Variants in ZNF292 observed in about 807,000 individuals in gnomAD.
ZNF292 encodes 16 zinc-finger domain protein.
Under a neutral mutation model 217.9 loss-of-function variants are expected in ZNF292, and 26 were observed. The ratio of observed to expected loss-of-function variants is 0.12; its 90% confidence interval spans 0.09 to 0.17. The LOEUF is 0.17. Among genes scored for constraint, ZNF292 ranks in the 10% least tolerant of loss-of-function variants. The probability of loss-of-function intolerance (pLI) is 1.00; values close to 1 mark genes in which losing one functional copy is unlikely to be tolerated. For missense variants in ZNF292, 2,904 were observed against 3,175.2 expected (o/e 0.91, Z 2.05); for synonymous variants, 1,257 against 1,124.1 (o/e 1.12, Z -2.37).
In ZNF292 at chr6:87,238,254, A is replaced by G. The variant is rs6931887; in HGVS notation, c.741+4727A>G. ...TTAATTCCAGCACTTTGGGACACCA[A>G]AGTGGGTGTATCACCTGAGGTCAGG... On this transcript the variant is annotated intron_variant, in intron 5 of 7. Transcript: ENST00000369577. Among the ~76,000 whole-genome samples, 1,440 of 152,238 alleles carry G rather than the reference A, an allele frequency of 9.5e-3. 19 individuals are homozygous for G. The highest frequency in any genetic ancestry group is 0.033 in the African/African-American group (1,356 of 41,534).
intron 1 of ZNF292, among the ~76,000 whole-genome samples, chr6:87,164,628 T>C (rs1024305136): frequency 3.3e-5 from 5 of 152,164 alleles, no homozygotes; most frequent in African/African-American, 1.2e-4. Flanking sequence ...TCACTCATCT[T>C]CTCTAACCAC....
intron 7 of ZNF292, among the ~76,000 whole-genome samples, chr6:87,247,604 C>T (rs891665966): frequency 6.6e-6 from 1 of 152,108 alleles, no homozygotes; most frequent in Non-Finnish European, 1.5e-5. Context: ...GAAGAAAATG[C>T]AGAACTGCTT....
intron 5 of ZNF292, among the ~76,000 whole-genome samples, chr6:87,235,333 C>A (rs1197009769): frequency 6.6e-6 from 1 of 152,088 alleles, no homozygotes; most frequent in Admixed American, 6.5e-5. Flanking sequence ...TCAGTCCCTG[C>A]CCTTAAGGTT....
At chr6:87,189,723 A>G (rs1462025744) in intron 1 of ZNF292, among the ~76,000 whole-genome samples, 2 of 152,084 alleles carry the variant, frequency 1.3e-5, no homozygotes, top group East Asian at 3.9e-4. Flanking sequence ...AGCACAGTTG[A>G]TGTTAACTTA....
chr6:87,192,685 A>G (rs1239598639), intron 1 of ZNF292, among the ~76,000 whole-genome samples: 1 of 152,214 alleles, frequency 6.6e-6, no homozygotes, highest in Non-Finnish European at 1.5e-5. Context: ...ATGGAATTAT[A>G]TACTTCGTTG....
intron 1 of ZNF292, among the ~76,000 whole-genome samples, chr6:87,192,324 A>G (rs1771841409): frequency 6.6e-6 from 1 of 151,800 alleles, no homozygotes; most frequent in African/African-American, 2.4e-5. Context: ...TACTTTAAAA[A>G]GTGAATATAA....
intron 1 of ZNF292, among the ~76,000 whole-genome samples, chr6:87,179,319 C>T (rs889205285): frequency 1.3e-5 from 2 of 151,946 alleles, no homozygotes; most frequent in African/African-American, 4.8e-5. Context: ...CACCATCATG[C>T]CCAGCTAATT....
rs1470035877 is a variant in ZNF292, at chr6:87,260,554, G to C, written c.6925G>C (p.Glu2309Gln). The part of the protein sequence containing the change: ...QENMSSKANQ[E>Q]KSKSKHRGTK... Reference sequence around the variant, plus strand: ...AAATATGTCAAGCAAGGCAAACCAAGAAAAATCAAAGTCTAAACATCGGGG... The same window carrying C: ...AAATATGTCAAGCAAGGCAAACCAACAAAAATCAAAGTCTAAACATCGGGG... The change falls in exon 8 of 8, where the codon GAA becomes CAA. Residue 2309 changes from glutamate (E) to glutamine (Q), a missense_variant. Glu to Gln is a conservative substitution (Grantham distance 29). Transcript: ENST00000369577. 6.8e-6 allele frequency: 11 copies of C among 1,612,686 alleles called. No homozygotes were observed. The highest frequency in any genetic ancestry group is 6.8e-6 in the Non-Finnish European group (8 of 1,179,556).
intron 4 of ZNF292, among the ~76,000 whole-genome samples, chr6:87,221,546 T>A (rs1773081021): frequency 6.6e-6 from 1 of 152,224 alleles, no homozygotes; most frequent in African/African-American, 2.4e-5. Context: ...TGGTGCTGCC[T>A]CTAAAGCCAT....
At chr6:87,254,359 T>A (rs886598650) in intron 7 of ZNF292, among the ~76,000 whole-genome samples, 1 of 152,178 alleles carries the variant, frequency 6.6e-6, no homozygotes, top group African/African-American at 2.4e-5. Flanking sequence ...GTTTTATAAG[T>A]GGGATGGGAA....
intron 1 of ZNF292, among the ~76,000 whole-genome samples, chr6:87,193,129 G>A (rs1162104155): frequency 6.6e-6 from 1 of 152,092 alleles, no homozygotes; most frequent in Non-Finnish European, 1.5e-5. Flanking sequence ...CTGGGATGAG[G>A]GTAATTTTAA....
chr6:87,157,134 G>C (rs1467011961), intron 1 of ZNF292, among the ~76,000 whole-genome samples: 2 of 152,136 alleles, frequency 1.3e-5, no homozygotes, highest in African/African-American at 4.8e-5. Flanking sequence ...CTCCGTTGCT[G>C]TATGCACTTT....
chr6:87,208,632 A>G (rs1445656022), intron 1 of ZNF292, among the ~76,000 whole-genome samples: 8 of 151,850 alleles, frequency 5.3e-5, no homozygotes, highest in Non-Finnish European at 1.2e-4. Flanking sequence ...TTCTCTCAAC[A>G]TTAGAAGCTT....
intron 1 of ZNF292, 94 bp downstream of exon 1, chr6:87,155,853 C>T: frequency 6.4e-6 from 9 of 1,410,442 alleles, no homozygotes; most frequent in Non-Finnish European, 8.4e-6. Flanking sequence ...TCGCCGCTTC[C>T]TTGGCATCAT....
At position 87,256,450 on chromosome 6, in the gene ZNF292, G is replaced by A. The variant is rs2127861236; in HGVS notation, c.2821G>A (p.Val941Met). 1 of 1,607,720 alleles carries A rather than the reference G, an allele frequency of 6.2e-7. No individual in the cohort carries two copies. Residue 941 changes from valine (V) to methionine (M), a missense_variant, in exon 8 of 8, where the codon GTG (valine) becomes ATG (methionine). Physicochemically the swap from Val to Met is conservative, Grantham distance 21. Coordinates refer to ENST00000369577, the MANE Select transcript of ZNF292 (RefSeq NM_015021.3). Reference sequence around the variant, plus strand: ...CAGTGAAGTAGCTGTGTCCATTAAGGTGTCTCTCAATCAGGGGATTGAGGA... The same window carrying A: ...CAGTGAAGTAGCTGTGTCCATTAAGATGTCTCTCAATCAGGGGATTGAGGA... Reference protein sequence around the residue: ...QSSEVAVSIKVSLNQGIEDNF... With the variant: ...QSSEVAVSIKMSLNQGIEDNF...
At chr6:87,215,829 G>C in intron 1 of ZNF292, 74 bp from the exon 2 acceptor site, 1 of 1,246,884 alleles carries the variant, frequency 8.0e-7, no homozygotes, top group South Asian at 1.8e-5. Context: ...AATTTTTCAG[G>C]AAAAAACAGC....
intron 7 of ZNF292, among the ~76,000 whole-genome samples, chr6:87,250,034 A>C (rs866403427): frequency 1.5e-4 from 22 of 144,252 alleles, no homozygotes; most frequent in Non-Finnish European, 2.9e-4. Context: ...AAAAAAAAAA[A>C]AACAAAAAAA....
At position 87,256,402 on chromosome 6, in the gene ZNF292, G is replaced by A. The variant is rs1268825764; in HGVS notation, c.2773G>A (p.Ala925Thr). 2.5e-6 allele frequency: 4 copies of A among 1,607,752 alleles called. No homozygotes were observed. The highest frequency in any genetic ancestry group is 2.2e-5 in the South Asian group (2 of 91,078). The change falls in exon 8 of 8, where the codon GCT (alanine) becomes ACT (threonine). Residue 925 changes from alanine (A) to threonine (T), a missense_variant. Physicochemically the swap from Ala to Thr is moderately conservative, Grantham distance 58 (BLOSUM62 0). Transcript: ENST00000369577. The part of the protein sequence containing the change: ...GPLSNGLENP[A>T]TTPLLQSSEV... ...ATTGTCAAATGGTTTGGAAAACCCTGCTACTACTCCTCTACTTCAATCCAG... is the reference window on the plus strand; with the variant it reads ...ATTGTCAAATGGTTTGGAAAACCCTACTACTACTCCTCTACTTCAATCCAG...
In ZNF292 at chr6:87,261,553, G is replaced by A. The variant is rs1335653424; in HGVS notation, c.7924G>A (p.Val2642Ile). The A allele has an allele frequency of 1.2e-6, 2 of 1,609,998 alleles. No individual in the cohort carries two copies. The highest frequency in any genetic ancestry group is 1.1e-5 in the South Asian group (1 of 90,550). Reference protein sequence around the residue: ...DKTAVTSGNHVCPCKESETFV... With the variant: ...DKTAVTSGNHICPCKESETFV... ...GACTGCTGTGACTAGTGGAAATCAT[G>A]TATGTCCTTGTAAAGAAAGCGAAAC... is the stretch of plus-strand genomic sequence containing the variant. Residue 2642 changes from valine to isoleucine, a missense_variant, in exon 8 of 8, where the codon GTA (valine) becomes ATA (isoleucine). Around this residue, in one of 15 missense-constraint regions of ZNF292, gnomAD observed 380 missense variants for 355.3 expected, o/e 1.07. Coordinates refer to ENST00000369577, the MANE Select transcript of ZNF292 (RefSeq NM_015021.3).
Sources: gnomAD v4.1 joint callset for allele counts (sites outside exome capture counted in the v4.1 genomes callset) on GRCh38, gnomAD v4.1.1 for gene constraint, gnomAD v4.1.1 regional missense constraint, MANE v1.5 for transcripts, NCBI Gene and HGNC (gene_info 2026-07-23, HGNC 2026-07-21) for gene names.